GALR1: variants seen among roughly 807,000 people sequenced by gnomAD.
GALR1 encodes galanin receptor type 1.
In GALR1, 11 loss-of-function variants were observed where a neutral mutation model predicts 17.9. That is an observed-to-expected ratio of 0.62 (90% CI 0.39 to 1.02). The LOEUF (loss-of-function observed/expected upper bound fraction) is 1.02, where lower values mean the gene tolerates loss of function less well. GALR1 is among the 50% of genes least tolerant of loss of function. The pLI is 0.01. For synonymous variants in GALR1, 206 were observed against 205.7 expected (o/e 1.00, Z -0.01); for missense variants, 441 against 456.9 (o/e 0.97, Z 0.32).
Position 77,251,014 on chromosome 18 carries a change from G to C in GALR1, c.466G>C (p.Val156Leu). 1 of 1,605,054 alleles carries C rather than the reference G, an allele frequency of 6.2e-7. No homozygotes were observed. The highest frequency in any genetic ancestry group is 2.2e-5 in the East Asian group (1 of 44,864). ...GGTGTCCCGCAACGCGCTGCTGGGC[G>C]TGGGCTGCATCTGGGCGCTGTCCAT... The part of the protein sequence containing the change: ...LRVSRNALLG[V>L]GCIWALSIAM... Residue 156 changes from valine (V) to leucine (L), a missense_variant, in exon 1 of 3, where the codon GTG (valine) becomes CTG (leucine). By Grantham distance (32) the Val-to-Leu change is conservative. Coordinates refer to ENST00000299727, the MANE Select transcript of GALR1 (RefSeq NM_001480.4).
In GALR1 at chr18:77,271,257, C is replaced by CCCT. The variant is rs1913059962; in HGVS notation, c.*2357_*2358insTCC. On this transcript the variant is annotated 3_prime_UTR_variant, in exon 3 of 3. Coordinates refer to ENST00000299727, the MANE Select transcript of GALR1 (RefSeq NM_001480.4). The stretch of plus-strand genomic sequence containing the variant: ...AGCTTGCGCTTGAAACCCCCCCCCC[C>CCCT]CCGCCACTTTGCTAAATGTAAATGC... 1 of 103,806 alleles carries CCCT rather than the reference C, an allele frequency of 9.6e-6. No homozygotes were observed. Among genetic ancestry groups the CCCT allele is most frequent in the African/African-American group, 3.8e-5 (1 of 26,466 alleles). 6.4% of individuals were successfully genotyped at this position (103,806 alleles called of 1,614,324 possible). A position where few individuals can be genotyped will look rare whatever the true frequency, so the allele number is the denominator to read the frequency against.
intron 1 of GALR1, among the ~76,000 whole-genome samples, chr18:77,252,911 C>CCAT (rs1912471925): frequency 8.9e-5 from 4 of 44,962 alleles, no homozygotes; most frequent in East Asian, 5.5e-4. Context: ...ACCACCACCA[C>CCAT]CACCACCACC....
rs931786344 is a variant in GALR1, at chr18:77,277,828, C to A, written c.*8926C>A. The A allele has an allele frequency of 5.9e-5, 9 of 152,138 alleles. No individual in the cohort carries two copies. Among genetic ancestry groups the A allele is most frequent in the African/African-American group, 2.2e-4 (9 of 41,424 alleles). 9.4% of individuals were successfully genotyped at this position (152,138 alleles called of 1,614,324 possible). A position where few individuals can be genotyped will look rare whatever the true frequency, so the allele number is the denominator to read the frequency against. ...TCCTCCATCATCCTACCTCTGTGTT[C>A]TGCATGAAATATAATTGGCCTTTGT... On this transcript the variant is annotated 3_prime_UTR_variant, in exon 3 of 3. Transcript: ENST00000299727.
chr18:77,260,562 T>C (rs888320322), intron 2 of GALR1, among the ~76,000 whole-genome samples: 6 of 152,092 alleles, frequency 3.9e-5, no homozygotes, highest in Non-Finnish European at 8.8e-5. Context: ...TTGGACGGGG[T>C]GGGGACATAA....
chr18:77,267,502 C>T (rs999044051), intron 2 of GALR1, among the ~76,000 whole-genome samples: 1 of 152,196 alleles, frequency 6.6e-6, no homozygotes, highest in Non-Finnish European at 1.5e-5. Flanking sequence ...GTGGTCCCAT[C>T]ATCGGTCCAC....
At chr18:77,258,627 A>G (rs1398480598) in intron 2 of GALR1, among the ~76,000 whole-genome samples, 762 of 67,086 alleles carry the variant, frequency 0.011, no homozygotes, top group African/African-American at 0.041. Context: ...GGTGGTGGTG[A>G]TGGTGGTGAT....
At position 77,251,122 on chromosome 18, in the gene GALR1, C is replaced by A. The variant is rs756406904; in HGVS notation, c.574C>A (p.Pro192Thr). The A allele has an allele frequency of 1.2e-6, 2 of 1,612,942 alleles. No individual in the cohort carries two copies. The highest frequency in any genetic ancestry group is 2.2e-5 in the East Asian group (1 of 44,872). ...CCAGACCTTCTGCTGGGAGCAGTGG[C>A]CCGACCCTCGCCACAAGAAGGCCTA... The part of the protein sequence containing the change: ...SNQTFCWEQW[P>T]DPRHKKAYVV... The change falls in exon 1 of 3, where the codon CCC becomes ACC. Residue 192 changes from proline to threonine, a missense_variant. Coordinates refer to ENST00000299727, the MANE Select transcript of GALR1 (RefSeq NM_001480.4).
Position 77,250,501 on chromosome 18 carries a change from C to T in GALR1, c.-48C>T. The T allele has an allele frequency of 1.4e-6, 2 of 1,424,624 alleles. No homozygotes were observed. Among genetic ancestry groups the T allele is most frequent in the Non-Finnish European group, 1.8e-6 (2 of 1,100,038 alleles). The allele number at this position is 1,424,624 out of a possible 1,614,324, so 88.2% of individuals were successfully genotyped here. A position where few individuals can be genotyped will look rare whatever the true frequency, so the allele number is the denominator to read the frequency against. ...CCACCCCCGGCGCCTACTATCCCGC[C>T]CTCCCTCCCCGCGCGCCCCGCCGCT... On this transcript the variant is annotated 5_prime_UTR_variant, in exon 1 of 3. Coordinates refer to ENST00000299727, the MANE Select transcript of GALR1 (RefSeq NM_001480.4).
rs1428634234 is a variant in GALR1 at position 77,250,951 on chromosome 18, G to A, written c.403G>A (p.Val135Met). Residue 135 changes from valine to methionine, a missense_variant, in exon 1 of 3, where the codon GTG (valine) becomes ATG (methionine). Physicochemically the swap from Val to Met is conservative, Grantham distance 21. Coordinates refer to ENST00000299727, the MANE Select transcript of GALR1 (RefSeq NM_001480.4). ...GGCCGCGATGTCCGTGGACCGCTAC[G>A]TGGCCATCGTGCACTCGCGGCGCTC... Reference protein sequence around the residue: ...TLAAMSVDRYVAIVHSRRSSS... With the variant: ...TLAAMSVDRYMAIVHSRRSSS... 2 of 1,604,216 alleles carry A rather than the reference G, an allele frequency of 1.2e-6. No individual in the cohort carries two copies. Among genetic ancestry groups the A allele is most frequent in the Non-Finnish European group, 1.7e-6 (2 of 1,179,960 alleles).
chr18:77,277,733 A>T lies in GALR1; in HGVS notation c.*8831A>T, dbSNP rs1306722463. 6.6e-6 allele frequency: 1 copy of T among 152,254 alleles called. No homozygotes were observed. The highest frequency in any genetic ancestry group is 1.9e-4 in the East Asian group (1 of 5,206). The allele number at this position is 152,254 out of a possible 1,614,324, so 9.4% of individuals were successfully genotyped here. A position where few individuals can be genotyped will look rare whatever the true frequency, so the allele number is the denominator to read the frequency against. ...TATTTATAGATCTAGCATGAATGCC[A>T]GTAAGCTGACAAAGCCAAAAGCCAA... On this transcript the variant is annotated 3_prime_UTR_variant, in exon 3 of 3. Coordinates refer to ENST00000299727, the MANE Select transcript of GALR1 (RefSeq NM_001480.4).
intron 2 of GALR1, among the ~76,000 whole-genome samples, chr18:77,259,627 G>A (rs1428796076): frequency 6.6e-6 from 1 of 150,968 alleles, no homozygotes; most frequent in Non-Finnish European, 1.5e-5. Context: ...TGGCGATGGT[G>A]CCAGTGGTGG....
Position 77,267,528 on chromosome 18 carries a change from T to C in GALR1, c.733-1057T>C, listed in dbSNP as rs115350285. 2.2e-3 allele frequency among the ~76,000 whole-genome samples: 338 copies of C among 152,374 alleles called. 1 individual carries two copies. The highest frequency in any genetic ancestry group is 7.9e-3 in the African/African-American group (329 of 41,596). On this transcript the variant is annotated intron_variant, in intron 2 of 2. Transcript: ENST00000299727. ...ATCGGTCCACTAGTTTCGATGGCTCTGTTGTGACCATCGCGGCACTAGAGG... is the reference window on the plus strand; with the variant it reads ...ATCGGTCCACTAGTTTCGATGGCTCCGTTGTGACCATCGCGGCACTAGAGG...
Position 77,268,604 on chromosome 18 carries a change from T to C in GALR1, c.752T>C (p.Val251Ala), listed in dbSNP as rs1206625968. 6.2e-7 allele frequency: 1 copy of C among 1,613,938 alleles called. No individual in the cohort carries two copies. Among genetic ancestry groups the C allele is most frequent in the Non-Finnish European group, 8.5e-7 (1 of 1,179,946 alleles). ...SKKKTAQTVL[V>A]VVVVFGISWL... The stretch of plus-strand genomic sequence containing the variant: ...TTCTAGACTGCACAGACAGTTCTGG[T>C]GGTGGTTGTGGTGTTTGGAATCTCC... Residue 251 changes from valine to alanine, a missense_variant, in exon 3 of 3, where the codon GTG becomes GCG. Val to Ala is a moderately conservative substitution (Grantham distance 64). Transcript: ENST00000299727.
chr18:77,261,004 T>A (rs925466952), intron 2 of GALR1, among the ~76,000 whole-genome samples: 3 of 150,840 alleles, frequency 2.0e-5, no homozygotes, highest in Non-Finnish European at 4.4e-5. Flanking sequence ...TGTGAGGTTT[T>A]TTTTTTTTTT....
At chr18:77,252,887 C>CCACCACCACCACCACCACCAT in intron 1 of GALR1, among the ~76,000 whole-genome samples, 1 of 76,278 alleles carries the variant, frequency 1.3e-5, no homozygotes, top group African/African-American at 4.6e-5. Context: ...ACCATCACCA[C>CCACCACCACCACCACCACCAT]CACCACCATC....
rs959042320 is a variant in GALR1, at chr18:77,275,811, T to C, written c.*6909T>C. On this transcript the variant is annotated 3_prime_UTR_variant, in exon 3 of 3. Coordinates refer to ENST00000299727, the MANE Select transcript of GALR1 (RefSeq NM_001480.4). ...TAGAGAGAATTTCCTGGTATGTCAATGTAGCTTCAGAAATAGGTCTCAGTG... is the reference window on the plus strand; with the variant it reads ...TAGAGAGAATTTCCTGGTATGTCAACGTAGCTTCAGAAATAGGTCTCAGTG... 6.6e-6 allele frequency: 1 copy of C among 152,156 alleles called. No homozygotes were observed. The highest frequency in any genetic ancestry group is 2.4e-5 in the African/African-American group (1 of 41,428). The allele number at this position is 152,156 out of a possible 1,614,324, so 9.4% of individuals were successfully genotyped here.
Position 77,259,468 on chromosome 18 carries a change from A to G in GALR1, c.732+3245A>G, listed in dbSNP as rs200817574. On this transcript the variant is annotated intron_variant, in intron 2 of 2. Coordinates refer to ENST00000299727, the MANE Select transcript of GALR1 (RefSeq NM_001480.4). ...GGTGATCATGGTGGTGATGGTGGTG[A>G]TGGTGGCGATTGTGATGGTGATGGT... Among the ~76,000 whole-genome samples the G allele has an allele frequency of 2.4e-4, 30 of 127,288 alleles. No individual in the cohort carries two copies. In the East Asian group the frequency reaches 4.5e-3, roughly 19 times the overall value. The allele number at this position is 127,288 out of a possible 152,430, so 83.5% of individuals were successfully genotyped here. A position where few individuals can be genotyped will look rare whatever the true frequency, so the allele number is the denominator to read the frequency against.
chr18:77,249,853 C>A lies in GALR1; in HGVS notation c.-696C>A, dbSNP rs748650707. On this transcript the variant is annotated 5_prime_UTR_variant, in exon 1 of 3. Coordinates refer to ENST00000299727, the MANE Select transcript of GALR1 (RefSeq NM_001480.4). ...GCGCGGATTTCAGCCGAGCTGTTTTCGCCTCTCAGTTGCAGCAGAGAAGCC... is the reference window on the plus strand; with the variant it reads ...GCGCGGATTTCAGCCGAGCTGTTTTAGCCTCTCAGTTGCAGCAGAGAAGCC... Among the ~76,000 whole-genome samples, 6 of 152,232 alleles carry A rather than the reference C, an allele frequency of 3.9e-5. No individual in the cohort carries two copies. The highest frequency in any genetic ancestry group is 8.8e-5 in the Non-Finnish European group (6 of 68,032).
intron 1 of GALR1, among the ~76,000 whole-genome samples, chr18:77,252,868 A>G (rs1599354061): frequency 1.5e-5 from 2 of 135,368 alleles, no homozygotes; most frequent in Non-Finnish European, 3.2e-5. Context: ...CACCACCACC[A>G]CCACCACCAC....
Sources: allele counts gnomAD v4.1 joint callset (sites outside exome capture counted in the v4.1 genomes callset), GRCh38; gene constraint gnomAD v4.1.1; transcripts MANE v1.5; gene names NCBI Gene and HGNC (gene_info 2026-07-23, HGNC 2026-07-21).